DMXL2: variants seen among roughly 807,000 people sequenced by gnomAD.
DMXL2 encodes the protein dmX-like protein 2.
DMXL2 carries 103 observed loss-of-function variants against 331.1 expected under a neutral mutation model. The observed-to-expected ratio is 0.31, with a 90% CI of 0.27 to 0.37. The LOEUF is 0.37. Ranked by LOEUF, DMXL2 falls within the 10% of genes least tolerant of loss-of-function variation. DMXL2 has a pLI of 1.00. For synonymous variants in DMXL2, 1,281 were observed against 1,252.1 expected, an observed-to-expected ratio of 1.02 and a Z score of -0.49; for missense variants, 3,171 against 3,642.9, an observed-to-expected ratio of 0.87 and a Z score of 3.33.
In DMXL2 at chr15:51,499,981, G is replaced by A. The variant is rs372188267; in HGVS notation, c.3243C>T (p.Arg1081=). 18 of 1,613,884 alleles carry A rather than the reference G, an allele frequency of 1.1e-5. No individual in the cohort carries two copies. Among genetic ancestry groups the A allele is most frequent in the Admixed American group, 1.7e-5 (1 of 59,984 alleles). ...TAGGCTGCTTATAAGCCACTGCAAG[G>A]CGACCTGTGTATGAACAGCTAACAG... ...PVAVSCSYTG[R]LAVAYKQPIH... is the part of the protein sequence containing the mutation. Residue 1081 remains arginine (R), a synonymous_variant, in exon 18 of 44, where the codon CGC becomes CGT. Coordinates refer to ENST00000560891, the MANE Select transcript of DMXL2 (RefSeq NM_001378457.1).
rs753351209 is a variant in DMXL2, at chr15:51,456,170, T to C, written c.8422A>G (p.Ser2808Gly). The C allele has an allele frequency of 6.2e-7, 1 of 1,614,112 alleles. No homozygotes were observed. The highest frequency in any genetic ancestry group is 2.2e-5 in the East Asian group (1 of 44,872). The stretch of plus-strand genomic sequence containing the variant: ...CGCGTCCATTCAAACATTCGTACAC[T>C]GCCGTCCTGAGCACCTGTAAGATCT... ...QYYLTGAQDG[S>G]VRMFEWTRPQ... The change falls in exon 39 of 44, where the codon AGT (serine) becomes GGT (glycine). Residue 2808 changes from serine (S) to glycine (G), a missense_variant. By Grantham distance (56) the Ser-to-Gly change is moderately conservative (BLOSUM62 0). This residue lies in a region of DMXL2 where 766 missense variants were observed against 940.5 expected (regional missense o/e 0.81). Coordinates refer to ENST00000560891, the MANE Select transcript of DMXL2 (RefSeq NM_001378457.1).
rs1413250347 is a variant in DMXL2, at chr15:51,495,061, C to T, written c.4746G>A (p.Ser1582=). 5.6e-6 allele frequency: 9 copies of T among 1,612,990 alleles called. No homozygotes were observed. The highest frequency in any genetic ancestry group is 2.7e-5 in the African/African-American group (2 of 74,856). Residue 1582 remains serine (S), a synonymous_variant, in exon 19 of 44, where the codon TCG becomes TCA. Transcript: ENST00000560891. The stretch of plus-strand genomic sequence containing the variant: ...GCTGCACTCGGTATAAAGGAGGCAG[C>T]GATGTCAAAAGGCATGTGTGTAGGC... The part of the protein sequence containing the change: ...AMRLHTCLLT[S]LPPLYRVQLL...
chr15:51,449,261 G>C (rs751941394), intron 43 of DMXL2, 68 bp from the exon 44 acceptor site: 9 of 1,509,546 alleles, frequency 6.0e-6, no homozygotes, highest in Middle Eastern at 1.9e-4. Context: ...TGGCCCTTCT[G>C]CTCCCTTGGC....
intron 19 of DMXL2, among the ~76,000 whole-genome samples, chr15:51,492,356 C>T (rs995614216): frequency 6.6e-6 from 1 of 152,222 alleles, no homozygotes; most frequent in African/African-American, 2.4e-5. Flanking sequence ...CTCTAAACTT[C>T]GTAAGAGTTC....
chr15:51,554,503 G>A (rs989940432), intron 6 of DMXL2, among the ~76,000 whole-genome samples: 1 of 152,164 alleles, frequency 6.6e-6, no homozygotes, highest in African/African-American at 2.4e-5. Flanking sequence ...CAGTGATTCT[G>A]ACAAGTGTAC....
In DMXL2 at chr15:51,499,943, C is replaced by T. The variant is rs1401339293; in HGVS notation, c.3281G>A (p.Gly1094Asp). 4 of 1,613,996 alleles carry T rather than the reference C, an allele frequency of 2.5e-6. No individual in the cohort carries two copies. Among genetic ancestry groups the T allele is most frequent in the Non-Finnish European group, 3.4e-6 (4 of 1,179,966 alleles). ...VAYKQPIHHNGFVSKEFSMHV... is the reference protein window; with the variant it reads ...VAYKQPIHHNDFVSKEFSMHV... ...CATGGAAAATTCTTTAGAAACAAAA[C>T]CATTATGGTGGATAGGCTGCTTATA... The change falls in exon 18 of 44, where the codon GGT (glycine) becomes GAT (aspartate). Residue 1094 changes from glycine to aspartate, a missense_variant. Physicochemically the swap from Gly to Asp is moderately conservative, Grantham distance 94. Transcript: ENST00000560891.
At chr15:51,622,437 A>G (rs1567197836) in intron 1 of DMXL2, 22 bp downstream of exon 1, 1 of 1,552,872 alleles carries the variant, frequency 6.4e-7, no homozygotes, top group South Asian at 1.2e-5. Context: ...ATCTTCCCCT[A>G]GGGCTCCCGG....
At chr15:51,574,831 T>G (rs1046005052) in intron 2 of DMXL2, among the ~76,000 whole-genome samples, 13 of 152,248 alleles carry the variant, frequency 8.5e-5, no homozygotes, top group African/African-American at 3.1e-4. Context: ...TAAAAAGTTT[T>G]ACTTCCAGAG....
Position 51,564,214 on chromosome 15 carries a change from A to C in DMXL2, c.411T>G (p.Pro137=). The part of the protein sequence containing the change: ...TATDSIQLWA[P]PGDDILEEEE... Reference sequence around the variant, plus strand: ...CCTCTTCCAGAATATCATCTCCTGGAGGAGCCCACAACTGAATAGAATCAG... The same window carrying C: ...CCTCTTCCAGAATATCATCTCCTGGCGGAGCCCACAACTGAATAGAATCAG... Residue 137 remains proline (P), a synonymous_variant, in exon 5 of 44, where the codon CCT becomes CCG. Coordinates refer to ENST00000560891, the MANE Select transcript of DMXL2 (RefSeq NM_001378457.1). 6 of 1,609,316 alleles carry C rather than the reference A, an allele frequency of 3.7e-6. No homozygotes were observed. Among genetic ancestry groups the C allele is most frequent in the Non-Finnish European group, 5.1e-6 (6 of 1,178,088 alleles).
At chr15:51,466,090 C>T (rs1401887678) in intron 30 of DMXL2, 94 bp downstream of exon 30, 1 of 1,036,946 alleles carries the variant, frequency 9.6e-7, no homozygotes, top group Non-Finnish European at 1.3e-6. Context: ...TATATAAATT[C>T]AGGATAATAA....
chr15:51,569,726 G>A (rs1343289436), intron 2 of DMXL2, among the ~76,000 whole-genome samples: 1 of 152,188 alleles, frequency 6.6e-6, no homozygotes, highest in African/African-American at 2.4e-5. Flanking sequence ...TAGCAGACCT[G>A]CAGCAGAGGG....
chr15:51,536,691 T>C lies in DMXL2; in HGVS notation c.1789A>G (p.Arg597Gly). The change falls in exon 12 of 44, where the codon AGA becomes GGA. Residue 597 changes from arginine (R) to glycine (G), a missense_variant. Physicochemically the swap from Arg to Gly is moderately radical, Grantham distance 125 (BLOSUM62 -2). This residue lies in a region of DMXL2 where 1,674 missense variants were observed against 1,780.2 expected (regional missense o/e 0.94). Coordinates refer to ENST00000560891, the MANE Select transcript of DMXL2 (RefSeq NM_001378457.1). ...ATGTTCATATGTGTACTGTGGGATCTAGAGTGTGGCTGTGATCCGTGAGGA... is the reference window on the plus strand; with the variant it reads ...ATGTTCATATGTGTACTGTGGGATCCAGAGTGTGGCTGTGATCCGTGAGGA... ...GSPHGSQPHS[R>G]SHSTHMNILA... The C allele has an allele frequency of 1.2e-6, 2 of 1,614,124 alleles. No homozygotes were observed. The highest frequency in any genetic ancestry group is 1.7e-4 in the Middle Eastern group (1 of 6,060).
At chr15:51,515,609 T>C (rs1359556017) in intron 14 of DMXL2, among the ~76,000 whole-genome samples, 3 of 152,170 alleles carry the variant, frequency 2.0e-5, no homozygotes, top group Non-Finnish European at 4.4e-5. Flanking sequence ...ATAGAAATCA[T>C]ACAACACATT....
chr15:51,574,124 G>C (rs2050855875), intron 2 of DMXL2, among the ~76,000 whole-genome samples: 1 of 152,116 alleles, frequency 6.6e-6, no homozygotes, highest in Non-Finnish European at 1.5e-5. Context: ...GGAGAAGTCA[G>C]GGAGCCATAA....
intron 1 of DMXL2, among the ~76,000 whole-genome samples, chr15:51,601,995 T>C (rs947043205): frequency 3.9e-5 from 6 of 152,218 alleles, no homozygotes; most frequent in African/African-American, 1.4e-4. Context: ...AATGACATCA[T>C]AGCTCCAGTT....
Position 51,498,660 on chromosome 15 carries a change from T to G in DMXL2, c.4564A>C (p.Ser1522Arg). 1 of 1,614,180 alleles carries G rather than the reference T, an allele frequency of 6.2e-7. No individual in the cohort carries two copies. Among genetic ancestry groups the G allele is most frequent in the Non-Finnish European group, 8.5e-7 (1 of 1,180,024 alleles). The change falls in exon 18 of 44, where the codon AGT becomes CGT. Residue 1522 changes from serine (S) to arginine (R), a missense_variant. By Grantham distance (110) the Ser-to-Arg change is moderately radical (BLOSUM62 -1). Coordinates refer to ENST00000560891, the MANE Select transcript of DMXL2 (RefSeq NM_001378457.1). ...TCCAAACGGGTAAGGCCTGGTAGACTTGAGTGCATAAGATGACTTGAAAGT... is the reference window on the plus strand; with the variant it reads ...TCCAAACGGGTAAGGCCTGGTAGACGTGAGTGCATAAGATGACTTGAAAGT... Reference protein sequence around the residue: ...RVLSSHLMHSSLPGLTRLEQM... With the variant: ...RVLSSHLMHSRLPGLTRLEQM...
intron 27 of DMXL2, among the ~76,000 whole-genome samples, chr15:51,475,127 T>C (rs1027951953): frequency 6.6e-6 from 1 of 152,116 alleles, no homozygotes; most frequent in Admixed American, 6.6e-5. Context: ...TCTTGATATC[T>C]CCTACTGAGA....
Position 51,600,527 on chromosome 15 carries a change from G to A in DMXL2, c.87+21932C>T, listed in dbSNP as rs558905825. On this transcript the variant is annotated intron_variant, in intron 1 of 43. Coordinates refer to ENST00000560891, the MANE Select transcript of DMXL2 (RefSeq NM_001378457.1). The stretch of plus-strand genomic sequence containing the variant: ...CTGGTTGCACTTGCGTGTCCTAGGT[G>A]GCACCCCTCTTCCTGTTGACCTTGC... Among the ~76,000 whole-genome samples, 8 of 152,250 alleles carry A rather than the reference G, an allele frequency of 5.3e-5. No individual in the cohort carries two copies. The South Asian group carries it at 1.5e-3, about 28-fold the overall frequency.
At chr15:51,459,506 C>A (rs1257667099) in intron 34 of DMXL2, 92 bp downstream of exon 34, 2 of 1,064,588 alleles carry the variant, frequency 1.9e-6, no homozygotes, top group East Asian at 5.9e-5. Flanking sequence ...GAGTAGTTAG[C>A]CAGTTGGGCA....
Sources: allele counts gnomAD v4.1 joint callset (sites outside exome capture counted in the v4.1 genomes callset), GRCh38; gene constraint gnomAD v4.1.1; regional missense constraint gnomAD v4.1.1; transcripts MANE v1.5; gene names NCBI Gene and HGNC (gene_info 2026-07-23, HGNC 2026-07-21).